Variants in MAGI3 observed in about 807,000 individuals in gnomAD.
MAGI3 encodes membrane-associated guanylate kinase, WW and PDZ domain-containing protein 3.
Under a neutral mutation model 121.8 loss-of-function variants are expected in MAGI3, and 43 were observed. That is an observed-to-expected ratio of 0.35 (90% CI 0.28 to 0.46). The LOEUF (loss-of-function observed/expected upper bound fraction) is 0.46. MAGI3 is among the 20% of genes least tolerant of loss of function. The probability of loss-of-function intolerance (pLI) is 1.00; values close to 1 mark genes in which losing one functional copy is unlikely to be tolerated. For synonymous variants in MAGI3, 553 were observed against 639.3 expected (o/e 0.86, Z 2.04); for missense variants, 1,547 against 1,797.3 (o/e 0.86, Z 2.52).
intron 16 of MAGI3, among the ~76,000 whole-genome samples, chr1:113,660,766 ATTTT>A (rs33956607): frequency 8.1e-6 from 1 of 122,970 alleles, no homozygotes; most frequent in Non-Finnish European, 1.7e-5. Context: ...ATAATTTTTA[ATTTT>A]TTTTTTTTTT....
At chr1:113,461,861 T>G (rs544812420) in intron 1 of MAGI3, among the ~76,000 whole-genome samples, 1 of 151,598 alleles carries the variant, frequency 6.6e-6, no homozygotes, top group South Asian at 2.1e-4. Context: ...TATAAAGAAC[T>G]TAAGTAAATT....
intron 1 of MAGI3, among the ~76,000 whole-genome samples, chr1:113,413,311 T>C (rs1652109028): frequency 6.6e-6 from 1 of 152,176 alleles, no homozygotes; most frequent in South Asian, 2.1e-4. Context: ...TCAGGTAGTG[T>C]GATGCCTCCA....
At chr1:113,539,067 C>G (rs1659144839) in intron 1 of MAGI3, among the ~76,000 whole-genome samples, 1 of 151,714 alleles carries the variant, frequency 6.6e-6, no homozygotes, top group African/African-American at 2.4e-5. Flanking sequence ...ATTTGAAAAA[C>G]AAAAGCTATG....
chr1:113,525,586 TTAAC>T (rs906468558), intron 1 of MAGI3, among the ~76,000 whole-genome samples: 10 of 151,740 alleles, frequency 6.6e-5, no homozygotes, highest in Non-Finnish European at 1.2e-4. Context: ...ATGAAATAAT[TTAAC>T]TATTAAATGA....
chr1:113,633,690 A>C (rs1254976991), intron 9 of MAGI3, among the ~76,000 whole-genome samples: 1 of 152,210 alleles, frequency 6.6e-6, no homozygotes, highest in East Asian at 1.9e-4. Flanking sequence ...GTGCCACAAT[A>C]AACATACTTG....
intron 1 of MAGI3, among the ~76,000 whole-genome samples, chr1:113,416,177 G>T (rs183613053): frequency 2.7e-5 from 2 of 72,874 alleles, no homozygotes; most frequent in Admixed American, 1.7e-4. Flanking sequence ...TGTAATTAAT[G>T]ACACATATTA....
chr1:113,507,246 G>A (rs1657378481), intron 1 of MAGI3, among the ~76,000 whole-genome samples: 1 of 152,118 alleles, frequency 6.6e-6, no homozygotes, highest in Admixed American at 6.6e-5. Flanking sequence ...TTTTACATGT[G>A]AGGAAACTAC....
At chr1:113,600,690 A>G (rs1649313793) in intron 6 of MAGI3, among the ~76,000 whole-genome samples, 1 of 152,226 alleles carries the variant, frequency 6.6e-6, no homozygotes, top group Admixed American at 6.5e-5. Flanking sequence ...CAAGCTACCA[A>G]TGACTTTCTT....
chr1:113,393,810 T>A, intron 1 of MAGI3, among the ~76,000 whole-genome samples: 1 of 152,224 alleles, frequency 6.6e-6, no homozygotes, highest in Admixed American at 6.5e-5. Context: ...TGCTTTTATC[T>A]AAACTTTGTG....
Position 113,683,001 on chromosome 1 carries a change from G to A in MAGI3, c.3433G>A (p.Val1145Met), listed in dbSNP as rs373598839. ...HFASIFEESH[V>M]PVIEESLRVQ... ...TGCTTCCATATTTGAAGAGTCTCAC[G>A]TGCCAGTAATTGAAGAATCTTTGAG... The change falls in exon 21 of 21, where the codon GTG (valine) becomes ATG (methionine). Residue 1145 changes from valine to methionine, a missense_variant. By Grantham distance (21) the Val-to-Met change is conservative. Transcript: ENST00000307546. 2.6e-5 allele frequency: 42 copies of A among 1,613,798 alleles called. No homozygotes were observed. The highest frequency in any genetic ancestry group is 8.9e-5 in the East Asian group (4 of 44,882).
chr1:113,549,025 T>C (rs979249627), intron 1 of MAGI3, among the ~76,000 whole-genome samples: 2 of 152,174 alleles, frequency 1.3e-5, no homozygotes, highest in African/African-American at 2.4e-5. Flanking sequence ...AGGGAAAATG[T>C]TGGGGAGGAA....
At chr1:113,468,053 G>A (rs1655371546) in intron 1 of MAGI3, among the ~76,000 whole-genome samples, 1 of 151,920 alleles carries the variant, frequency 6.6e-6, no homozygotes, top group Non-Finnish European at 1.5e-5. Context: ...GTTCTATTTT[G>A]GTTTCCAGTT....
At chr1:113,622,206 C>A (rs1175150077) in intron 8 of MAGI3, among the ~76,000 whole-genome samples, 1 of 152,082 alleles carries the variant, frequency 6.6e-6, no homozygotes, top group Non-Finnish European at 1.5e-5. Flanking sequence ...CAATTTGATT[C>A]TCTCAGTTTT....
rs570506394 is a variant in MAGI3 at position 113,604,321 on chromosome 1, C to T, written c.1018+9761C>T. Among the ~76,000 whole-genome samples the T allele has an allele frequency of 2.6e-5, 4 of 152,032 alleles. No homozygotes were observed. The East Asian group carries it at 7.7e-4, about 29-fold the overall frequency. ...CATTGGCTCATGCCTGTAATCCCAA[C>T]ACTTTGGGAGGCTGAGGCGGGCAGA... On this transcript the variant is annotated intron_variant, in intron 6 of 20. Transcript: ENST00000307546.
At chr1:113,460,146 A>T (rs1654959130) in intron 1 of MAGI3, among the ~76,000 whole-genome samples, 1 of 152,250 alleles carries the variant, frequency 6.6e-6, no homozygotes, top group Non-Finnish European at 1.5e-5. Context: ...GATTCATCAC[A>T]TAAACAGAAC....
intron 9 of MAGI3, among the ~76,000 whole-genome samples, chr1:113,625,328 T>C (rs925521677): frequency 5.3e-5 from 8 of 152,232 alleles, no homozygotes; most frequent in African/African-American, 1.9e-4. Context: ...CTTCCAACTA[T>C]GAACATGAAA....
intron 1 of MAGI3, among the ~76,000 whole-genome samples, chr1:113,531,937 T>A (rs1658748627): frequency 1.3e-5 from 2 of 152,326 alleles, no homozygotes; most frequent in South Asian, 4.1e-4. Flanking sequence ...TTTTTATACA[T>A]TGGAATTTCT....
chr1:113,622,933 C>T lies in MAGI3; in HGVS notation c.1299C>T (p.Phe433=). 1 of 1,578,716 alleles carries T rather than the reference C, an allele frequency of 6.3e-7. No individual in the cohort carries two copies. The change falls in exon 9 of 21, where the codon TTC becomes TTT. Residue 433 remains phenylalanine, a synonymous_variant. Coordinates refer to ENST00000307546, the MANE Select transcript of MAGI3 (RefSeq NM_001142782.2). Reference sequence around the variant, plus strand: ...TTGGTGGAGATAGACCTGATGAGTTCCTACAAGTGAAAAATGTGCTGAAAG... The same window carrying T: ...TTGGTGGAGATAGACCTGATGAGTTTCTACAAGTGAAAAATGTGCTGAAAG... ...TIIGGDRPDE[F]LQVKNVLKDG... is the part of the protein sequence containing the mutation.
intron 1 of MAGI3, among the ~76,000 whole-genome samples, chr1:113,399,739 G>T (rs150811298): frequency 1.3e-5 from 2 of 152,050 alleles, no homozygotes; most frequent in African/African-American, 4.8e-5. Context: ...CAATGCTGTT[G>T]ATTTTTAGGG....
Sources: gnomAD v4.1 joint callset for allele counts (sites outside exome capture counted in the v4.1 genomes callset) on GRCh38, gnomAD v4.1.1 for gene constraint, MANE v1.5 for transcripts, NCBI Gene and HGNC (gene_info 2026-07-23, HGNC 2026-07-21) for gene names.